SCRG1: variants seen among roughly 807,000 people sequenced by gnomAD.
The protein encoded by SCRG1 is stimulator of chondrogenesis 1.
A neutral mutation model predicts 7.7 loss-of-function variants in SCRG1; 3 were observed. The observed-to-expected ratio is 0.39, with a 90% confidence interval of 0.18 to 1.01. The LOEUF (loss-of-function observed/expected upper bound fraction) is 1.01. Ranked by LOEUF, SCRG1 falls within the 50% of genes least tolerant of loss-of-function variation. The pLI, the probability that SCRG1 is intolerant of heterozygous loss-of-function variation, is 0.36. For synonymous variants in SCRG1, 46 were observed against 41.2 expected (o/e 1.12, Z -0.44); for missense variants, 110 against 117.2 (o/e 0.94, Z 0.28).
At position 173,385,627 on chromosome 4, in the gene SCRG1, CTG is replaced by C. The variant is rs1739225375; in HGVS notation, c.*2712_*2713del. The C allele has an allele frequency of 6.6e-6, 1 of 152,024 alleles. No homozygotes were observed. Among genetic ancestry groups the C allele is most frequent in the African/African-American group, 2.4e-5 (1 of 41,378 alleles). The allele number at this position is 152,024 out of a possible 1,614,324, so 9.4% of individuals were successfully genotyped here. ...ATGCATTCATTTCTAAAAGAAATAA[CTG>C]AATTTCATATTTTCAGAAAGACATT... is the stretch of plus-strand genomic sequence containing the variant. On this transcript the variant is annotated 3_prime_UTR_variant, in exon 3 of 3. Coordinates refer to ENST00000296506, the MANE Select transcript of SCRG1 (RefSeq NM_007281.4).
chr4:173,419,883 C>T, the SCRG1 span: 1 of 1,009,696 alleles, frequency 9.9e-7, no homozygotes, highest in Non-Finnish European at 1.5e-6. Context: ...GTACAATACG[C>T]TGCAGCATAA....
In SCRG1 at chr4:173,390,646, AT is replaced by A. The variant is rs143515314; in HGVS notation, c.242+526del. On this transcript the variant is annotated intron_variant, in intron 2 of 2. Transcript: ENST00000296506. ...TGCCACCACGCCCAGCTAATTTTGT[AT>A]TTTTTTTGTATTTTGTATTTTGCAT... Among the ~76,000 whole-genome samples the A allele has an allele frequency of 2.6e-5, 4 of 150,968 alleles. No individual in the cohort carries two copies. The South Asian group carries it at 6.3e-4, about 24-fold the overall frequency.
the SCRG1 span, among the ~76,000 whole-genome samples, chr4:173,486,223 A>G: frequency 2.0e-5 from 3 of 152,162 alleles, no homozygotes; most frequent in Admixed American, 1.3e-4. Flanking sequence ...AGATTAAAGC[A>G]ATTTCATCTG....
At chr4:173,399,602 A>G (rs796790539), upstream of SCRG1, 2 of 152,436 alleles carry the variant, frequency 1.3e-5, no homozygotes, top group African/African-American at 4.8e-5. Flanking sequence ...GATCTGTTAC[A>G]AAATCCTGGT....
chr4:173,450,766 C>A, the SCRG1 span, among the ~76,000 whole-genome samples: 1 of 152,186 alleles, frequency 6.6e-6, no homozygotes, highest in African/African-American at 2.4e-5. Flanking sequence ...TGAGAAGACC[C>A]TCAACTAAGA....
intron 1 of SCRG1, among the ~76,000 whole-genome samples, chr4:173,391,790 T>C (rs1027934686): frequency 6.6e-6 from 1 of 152,192 alleles, no homozygotes; most frequent in Non-Finnish European, 1.5e-5. Flanking sequence ...TAGCCAGGCA[T>C]GCTGGCATGT....
At chr4:173,470,603 C>G in the SCRG1 span, among the ~76,000 whole-genome samples, 1 of 152,112 alleles carries the variant, frequency 6.6e-6, no homozygotes, top group African/African-American at 2.4e-5. Flanking sequence ...CAGTTTTTGT[C>G]TTATACAACA....
At chr4:173,471,110 A>T in the SCRG1 span, among the ~76,000 whole-genome samples, 6 of 152,332 alleles carry the variant, frequency 3.9e-5, no homozygotes, top group Admixed American at 3.9e-4. Context: ...GATTAGAAAT[A>T]CTTATATACT....
chr4:173,426,928 A>G, the SCRG1 span, among the ~76,000 whole-genome samples: 7 of 152,252 alleles, frequency 4.6e-5, no homozygotes, highest in Non-Finnish European at 7.3e-5. Flanking sequence ...AATGCAAAAG[A>G]GAAATGCATA....
At chr4:173,511,445 TG>T in the SCRG1 span, among the ~76,000 whole-genome samples, 3 of 152,272 alleles carry the variant, frequency 2.0e-5, no homozygotes, top group South Asian at 6.2e-4. This position sits in a 1 kb window ranked among gnomAD's most constrained non-coding sequence, Gnocchi z 5.2. Flanking sequence ...TGTTTTGTTT[TG>T]TTTTTTTTCT....
At chr4:173,409,179 T>G (rs1442750839), upstream of SCRG1, among the ~76,000 whole-genome samples, 1 of 152,080 alleles carries the variant, frequency 6.6e-6, no homozygotes, top group Non-Finnish European at 1.5e-5. Flanking sequence ...GGGCTTTAGT[T>G]TAGCATAAGG....
the SCRG1 span, among the ~76,000 whole-genome samples, chr4:173,423,195 A>G: frequency 6.6e-6 from 1 of 152,370 alleles, no homozygotes; most frequent in East Asian, 1.9e-4. Context: ...AATATTTTTA[A>G]TAACACACTT....
At chr4:173,485,056 T>TATATATTATATATA in the SCRG1 span, among the ~76,000 whole-genome samples, 1 of 13,424 alleles carries the variant, frequency 7.4e-5, no homozygotes, top group Non-Finnish European at 1.1e-4. Context: ...TATAATATAT[T>TATATATTATATATA]ATATATTATA....
the SCRG1 span, among the ~76,000 whole-genome samples, chr4:173,426,622 C>T: frequency 6.6e-6 from 1 of 152,114 alleles, no homozygotes; most frequent in Non-Finnish European, 1.5e-5. Context: ...TCCTCCACAC[C>T]CAGCTAACTT....
the SCRG1 span, among the ~76,000 whole-genome samples, chr4:173,461,548 A>C: frequency 4.6e-5 from 7 of 152,204 alleles, no homozygotes; most frequent in African/African-American, 1.7e-4. Flanking sequence ...AGATCACAAC[A>C]CCCAAGTCCT....
the SCRG1 span, among the ~76,000 whole-genome samples, chr4:173,472,324 A>T: frequency 6.6e-6 from 1 of 152,210 alleles, no homozygotes; most frequent in Admixed American, 6.5e-5. Flanking sequence ...AAGCTGTGAT[A>T]CTTCGTGGAT....
chr4:173,433,019 A>G, the SCRG1 span, among the ~76,000 whole-genome samples: 1 of 152,230 alleles, frequency 6.6e-6, no homozygotes, highest in Admixed American at 6.5e-5. Flanking sequence ...GAAAGCATGA[A>G]AAAAATAGAA....
At chr4:173,492,278 A>G in the SCRG1 span, among the ~76,000 whole-genome samples, 1 of 152,158 alleles carries the variant, frequency 6.6e-6, no homozygotes, top group Non-Finnish European at 1.5e-5. Context: ...TGAAAGTCAG[A>G]AAAAGAAGCA....
the SCRG1 span, among the ~76,000 whole-genome samples, chr4:173,429,846 C>T: frequency 4.6e-5 from 7 of 152,172 alleles, no homozygotes; most frequent in Non-Finnish European, 2.9e-5. Context: ...CAAAGTATAA[C>T]ATTAGCCTTG....
Sources: gnomAD v4.1 joint callset for allele counts (sites outside exome capture counted in the v4.1 genomes callset) on GRCh38, gnomAD v4.1.1 for gene constraint, Gnocchi (gnomAD v3.1) non-coding constraint, MANE v1.5 for transcripts, NCBI Gene and HGNC (gene_info 2026-07-23, HGNC 2026-07-21) for gene names.